The following DST variants were observed in gnomAD, a reference collection of about 807,000 sequenced individuals.
The protein encoded by DST is dystonin.
Under a neutral mutation model 875.2 loss-of-function variants are expected in DST, and 253 were observed. That is an observed-to-expected ratio of 0.29 (90% CI 0.26 to 0.32). The LOEUF (loss-of-function observed/expected upper bound fraction) is 0.32. DST is among the 10% of genes least tolerant of loss of function. The pLI, the probability that DST is intolerant of heterozygous loss-of-function variation, is 1.00. For missense variants in DST, 8,287 were observed against 9,111.6 expected (o/e 0.91, Z 3.68); for synonymous variants, 3,124 against 3,197.1 (o/e 0.98, Z 0.77).
intron 3 of DST, among the ~76,000 whole-genome samples, chr6:56,886,776 CAAAAAAAAAA>C (rs35735421): frequency 1.2e-5 from 1 of 82,230 alleles, no homozygotes; most frequent in East Asian, 4.2e-4. Context: ...AACTCAGTCT[CAAAAAAAAAA>C]AAAAAAAAAA....
intron 10 of DST, among the ~76,000 whole-genome samples, chr6:56,658,021 C>A (rs903824841): frequency 2.0e-5 from 3 of 151,930 alleles, no homozygotes; most frequent in Non-Finnish European, 2.9e-5. Flanking sequence ...TCGCCTCGGC[C>A]CCCCCAACTG....
chr6:56,928,313 T>C lies in DST; in HGVS notation c.216+25472A>G, dbSNP rs145805857. Among the ~76,000 whole-genome samples, 577 of 152,200 alleles carry C rather than the reference T, an allele frequency of 3.8e-3. 4 individuals carry two copies. Among genetic ancestry groups the C allele is most frequent in the African/African-American group, 0.011 (455 of 41,522 alleles). On this transcript the variant is annotated intron_variant, in intron 2 of 103. Coordinates refer to ENST00000680361, the MANE Select transcript of DST (RefSeq NM_001374736.1). The stretch of plus-strand genomic sequence containing the variant: ...TGGCAGAGCCCACCAGAAAGTGCTA[T>C]CATTTTCCAAACCCCCTCCAGTGCC...
Position 56,615,762 on chromosome 6 carries a change from G to A in DST, c.4930-1278C>T, listed in dbSNP as rs746511377. ...TCTATTGATAACCGAGAGTGAACCT[G>A]TGGCTCTATCAACCCTCCTGTCAAG... On this transcript the variant is annotated intron_variant, in intron 36 of 103. Coordinates refer to ENST00000680361, the MANE Select transcript of DST (RefSeq NM_001374736.1). The A allele has an allele frequency of 3.1e-6, 5 of 1,613,998 alleles. No individual in the cohort carries two copies. The highest frequency in any genetic ancestry group is 4.2e-6 in the Non-Finnish European group (5 of 1,180,000).
chr6:56,764,685 C>T (rs1251338370), intron 4 of DST, among the ~76,000 whole-genome samples: 1 of 151,986 alleles, frequency 6.6e-6, no homozygotes, highest in South Asian at 2.1e-4. Context: ...AGGCTGGGCA[C>T]GGTGGCTCAT....
chr6:56,557,170 T>C (rs2097437104), intron 59 of DST, 149 bp downstream of exon 59: 2 of 708,058 alleles, frequency 2.8e-6, no homozygotes, highest in Non-Finnish European at 4.6e-6. Flanking sequence ...CAGGACAGTA[T>C]CTTATGGGCA....
intron 67 of DST, among the ~76,000 whole-genome samples, chr6:56,528,534 T>C (rs2096841355): frequency 6.6e-6 from 1 of 152,214 alleles, no homozygotes; most frequent in Non-Finnish European, 1.5e-5. Context: ...CGTGTTCATC[T>C]GCCTTCCACA....
chr6:56,592,147 C>G, intron 49 of DST, 35 bp downstream of exon 49: 1 of 1,584,656 alleles, frequency 6.3e-7, no homozygotes. Context: ...TTCAGTAAGA[C>G]TACTGGAAAT....
At chr6:56,790,580 G>C (rs916557916) in intron 4 of DST, among the ~76,000 whole-genome samples, 3 of 152,048 alleles carry the variant, frequency 2.0e-5, no homozygotes, top group Admixed American at 6.5e-5. Context: ...CTCCTTTCAG[G>C]CTTCCTCTTA....
intron 10 of DST, among the ~76,000 whole-genome samples, chr6:56,669,633 A>G (rs1245601714): frequency 6.6e-6 from 1 of 151,862 alleles, no homozygotes; most frequent in African/African-American, 2.4e-5. Flanking sequence ...TATAATTTTC[A>G]ATAAATACTT....
chr6:56,598,937 C>G (rs759102069), intron 45 of DST, among the ~76,000 whole-genome samples: 4 of 152,002 alleles, frequency 2.6e-5, no homozygotes, highest in Non-Finnish European at 4.4e-5. Context: ...CGAAAGAATG[C>G]AGTCAGTGAA....
chr6:56,907,382 T>G (rs1466790321), intron 2 of DST, among the ~76,000 whole-genome samples: 1 of 152,224 alleles, frequency 6.6e-6, no homozygotes, highest in Non-Finnish European at 1.5e-5. Context: ...AACCAGGCTG[T>G]TTGGTTGTGT....
chr6:56,876,226 AGTCATCT>A (rs1380234239), intron 3 of DST, among the ~76,000 whole-genome samples: 2 of 152,282 alleles, frequency 1.3e-5, no homozygotes, highest in East Asian at 3.9e-4. Flanking sequence ...CTTTGAGTGT[AGTCATCT>A]GGGAAGATTT....
chr6:56,493,948 G>T, intron 83 of DST, 62 bp downstream of exon 83: 2 of 1,345,970 alleles, frequency 1.5e-6, no homozygotes, highest in South Asian at 2.1e-5. Context: ...CAGAAATAAG[G>T]CCAAGTCCAA....
At chr6:56,459,646 T>C (rs563852206) in intron 103 of DST, among the ~76,000 whole-genome samples, 13 of 152,356 alleles carry the variant, frequency 8.5e-5, no homozygotes, top group African/African-American at 2.9e-4. Context: ...GTTTAAGTCT[T>C]GCCCAAGAAT....
intron 9 of DST, among the ~76,000 whole-genome samples, chr6:56,697,851 CT>C (rs2099272530): frequency 6.6e-6 from 1 of 152,186 alleles, no homozygotes; most frequent in Admixed American, 6.5e-5. Context: ...TAAATGATCC[CT>C]GACAAAGCCA....
chr6:56,616,359 A>G, intron 36 of DST: 1 of 1,613,706 alleles, frequency 6.2e-7, no homozygotes, highest in Non-Finnish European at 8.5e-7. Flanking sequence ...TGCTGCCCTG[A>G]AAGTTCAAGA....
intron 37 of DST, among the ~76,000 whole-genome samples, chr6:56,614,048 C>G (rs907590822): frequency 2.0e-5 from 3 of 152,182 alleles, no homozygotes; most frequent in Non-Finnish European, 4.4e-5. Flanking sequence ...TGACTCTGCT[C>G]TTCAGCTATT....
Position 56,485,428 on chromosome 6 carries a change from T to C in DST, c.21091A>G (p.Thr7031Ala). ...EEALLFSGQF[T>A]DALQALIDWL... The stretch of plus-strand genomic sequence containing the variant: ...TCAATGAGAGCCTGTAGGGCATCTG[T>C]GAATTGTCCAGAAAATAACAGGGCT... Residue 7031 changes from threonine (T) to alanine (A), a missense_variant, in exon 88 of 104, where the codon ACA (threonine) becomes GCA (alanine). This residue lies in a region of DST where 1,292 missense variants were observed against 1,552.7 expected (regional missense o/e 0.83). Transcript: ENST00000680361. The C allele has an allele frequency of 6.2e-7, 1 of 1,613,946 alleles. No homozygotes were observed. Among genetic ancestry groups the C allele is most frequent in the Non-Finnish European group, 8.5e-7 (1 of 1,179,848 alleles).
At chr6:56,644,848 C>G (rs1232879900) in intron 15 of DST, among the ~76,000 whole-genome samples, 1 of 152,174 alleles carries the variant, frequency 6.6e-6, no homozygotes, top group South Asian at 2.1e-4. Context: ...CCACCCAAAT[C>G]TCATCTTGAA....
Sources: allele counts gnomAD v4.1 joint callset (sites outside exome capture counted in the v4.1 genomes callset), GRCh38; gene constraint gnomAD v4.1.1; regional missense constraint gnomAD v4.1.1; transcripts MANE v1.5; gene names NCBI Gene and HGNC (gene_info 2026-07-23, HGNC 2026-07-21).